Variants in POLD1 observed in about 807,000 individuals in gnomAD.
POLD1 encodes the protein DNA polymerase delta catalytic subunit.
A neutral mutation model predicts 129.7 loss-of-function variants in POLD1; 79 were observed. The observed-to-expected ratio is 0.61, with a 90% CI of 0.51 to 0.73. The LOEUF (loss-of-function observed/expected upper bound fraction) is 0.73, where lower values mean the gene tolerates loss of function less well. Ranked by LOEUF, POLD1 falls within the 30% of genes least tolerant of loss-of-function variation. The probability of loss-of-function intolerance (pLI) is 0.00; values close to 1 mark genes in which losing one functional copy is unlikely to be tolerated. For synonymous variants in POLD1, 714 were observed against 683.3 expected, an observed-to-expected ratio of 1.04 and a Z score of -0.70; for missense variants, 1,338 against 1,595.8, an observed-to-expected ratio of 0.84 and a Z score of 2.75.
chr19:50,406,031 C>T lies in POLD1; in HGVS notation c.1243-151C>T. On this transcript the variant is annotated intron_variant, in intron 10 of 26. Coordinates refer to ENST00000440232, the MANE Select transcript of POLD1 (RefSeq NM_002691.4). This position sits in a 1 kb window ranked among gnomAD's most constrained non-coding sequence, Gnocchi z 5.5. Reference sequence around the variant, plus strand: ...TCCCTCCCCAGTCTCCAGCCACCCACACCCAGCCCCAGACCGTCTTTCTGC... The same window carrying T: ...TCCCTCCCCAGTCTCCAGCCACCCATACCCAGCCCCAGACCGTCTTTCTGC... The T allele has an allele frequency of 2.3e-6, 2 of 869,220 alleles. No homozygotes were observed. Among genetic ancestry groups the T allele is most frequent in the South Asian group, 1.6e-5 (1 of 63,204 alleles). 53.8% of individuals were successfully genotyped at this position (869,220 alleles called of 1,614,324 possible). A position where few individuals can be genotyped will look rare whatever the true frequency, so the allele number is the denominator to read the frequency against.
At position 50,398,519 on chromosome 19, in the gene POLD1, G is replaced by A. The variant is rs191738791; in HGVS notation, c.-1-332G>A. ...TGGGAGGTAGAGCTTGCAGTGAGCC[G>A]AGATCATGCCATTGCACTCCAGCCT... On this transcript the variant is annotated intron_variant, in intron 1 of 26. Transcript: ENST00000440232. 2.3e-4 allele frequency among the ~76,000 whole-genome samples: 29 copies of A among 127,546 alleles called. 1 individual carries two copies. The South Asian group carries it at 6.2e-3, about 27-fold the overall frequency. The allele number at this position is 127,546 out of a possible 152,430, so 83.7% of individuals were successfully genotyped here.
intron 17 of POLD1, among the ~76,000 whole-genome samples, chr19:50,411,333 G>A (rs970662117): frequency 2.0e-5 from 3 of 152,152 alleles, no homozygotes; most frequent in Non-Finnish European, 2.9e-5. Context: ...GTGGAAAGGG[G>A]TGGCTGTGTG....
rs749278926 is a variant in POLD1, at chr19:50,402,704, C to T, written c.933C>T (p.Arg311=). 22 of 1,599,036 alleles carry T rather than the reference C, an allele frequency of 1.4e-5. No individual in the cohort carries two copies. The highest frequency in any genetic ancestry group is 5.4e-5 in the African/African-American group (4 of 74,628). The change falls in exon 8 of 27, where the codon CGC becomes CGT. Residue 311 remains arginine, a synonymous_variant. Coordinates refer to ENST00000440232, the MANE Select transcript of POLD1 (RefSeq NM_002691.4). The part of the protein sequence containing the change: ...EGPWQRIAPL[R]VLSFDIECAG... ...CATGGCAGCGCATTGCGCCCTTGCG[C>T]GTGCTCAGCTTCGATATCGAGTGCG... is the stretch of plus-strand genomic sequence containing the variant.
intron 18 of POLD1, 88 bp downstream of exon 18, chr19:50,413,609 C>G: frequency 1.3e-6 from 2 of 1,528,502 alleles, no homozygotes; most frequent in Non-Finnish European, 1.8e-6. Flanking sequence ...CCCCGTGCCT[C>G]CTGGTCACAC....
At chr19:50,390,619 T>C (rs1400930942) in intron 1 of POLD1, among the ~76,000 whole-genome samples, 5 of 151,150 alleles carry the variant, frequency 3.3e-5, no homozygotes, top group Admixed American at 3.3e-4. Context: ...GGGTGTTTCT[T>C]GGAGAGGGGG....
In POLD1 at chr19:50,398,897, A is replaced by G. The variant is rs765185645; in HGVS notation, c.46A>G (p.Lys16Glu). ...RPGPGPGVPP[K>E]RARGGLWDDD... is the part of the protein sequence containing the mutation. The stretch of plus-strand genomic sequence containing the variant: ...AGGCCCAGGGCCCGGGGTGCCCCCA[A>G]AGCGGGCCCGTGGGGGCCTCTGGGA... Residue 16 changes from lysine to glutamate, a missense_variant, in exon 2 of 27, where the codon AAG (lysine) becomes GAG (glutamate). Physicochemically the swap from Lys to Glu is moderately conservative, Grantham distance 56. This residue lies in a region of POLD1 where 332 missense variants were observed against 315.7 expected (regional missense o/e 1.05). Coordinates refer to ENST00000440232, the MANE Select transcript of POLD1 (RefSeq NM_002691.4). The G allele has an allele frequency of 2.9e-5, 47 of 1,604,258 alleles. No individual in the cohort carries two copies. In the South Asian group the frequency reaches 3.0e-4, roughly 10 times the overall value.
rs769856458 is a variant in POLD1, at chr19:50,406,295, G to A, written c.1356G>A (p.Val452=). The A allele has an allele frequency of 6.2e-7, 1 of 1,613,988 alleles. No homozygotes were observed. The highest frequency in any genetic ancestry group is 1.7e-5 in the Admixed American group (1 of 60,008). ...GGGACACCAAGGTTGTCAGCATGGT[G>A]GGCCGCGTGCAGATGGACATGCTGC... ...GRRDTKVVSM[V]GRVQMDMLQV... Residue 452 remains valine (V), a synonymous_variant, in exon 11 of 27, where the codon GTG becomes GTA. Transcript: ENST00000440232. This position sits in a 1 kb window ranked among gnomAD's most constrained non-coding sequence, Gnocchi z 5.5.
chr19:50,403,276 C>G, intron 9 of POLD1, 57 bp downstream of exon 9: 1 of 1,476,392 alleles, frequency 6.8e-7, no homozygotes, highest in Non-Finnish European at 9.1e-7. Flanking sequence ...GCCTCCGCGT[C>G]CTGAGCCATC....
chr19:50,384,689 T>C (rs2123687984), intron 1 of POLD1, among the ~76,000 whole-genome samples: 1 of 152,224 alleles, frequency 6.6e-6, no homozygotes, highest in East Asian at 1.9e-4. Context: ...CTTGGTGTCA[T>C]CCTGGATTCG....
At chr19:50,398,560 A>G in intron 1 of POLD1, among the ~76,000 whole-genome samples, 1 of 127,646 alleles carries the variant, frequency 7.8e-6, no homozygotes. Context: ...ACAAGAGCAC[A>G]ATTCCATCTC....
In POLD1 at chr19:50,413,842, G is replaced by A. The variant is rs749227042; in HGVS notation, c.2351G>A (p.Gly784Asp). ...LGREAADWVS[G>D]HFPSPIRLEF... ...CGGGAGGCCGCGGACTGGGTGTCAGGTCACTTCCCGTCGCCCATCCGGCTG... is the reference window on the plus strand; with the variant it reads ...CGGGAGGCCGCGGACTGGGTGTCAGATCACTTCCCGTCGCCCATCCGGCTG... The change falls in exon 19 of 27, where the codon GGT becomes GAT. Residue 784 changes from glycine to aspartate, a missense_variant. Around this residue, in one of 3 missense-constraint regions of POLD1, gnomAD observed 720 missense variants for 1,002.6 expected, o/e 0.72. Coordinates refer to ENST00000440232, the MANE Select transcript of POLD1 (RefSeq NM_002691.4). 3 of 1,610,360 alleles carry A rather than the reference G, an allele frequency of 1.9e-6. No homozygotes were observed. Among genetic ancestry groups the A allele is most frequent in the Non-Finnish European group, 2.5e-6 (3 of 1,178,296 alleles).
chr19:50,417,846 G>A lies in POLD1; in HGVS notation c.3223G>A (p.Asp1075Asn). ...LHEDVICTSR[D>N]CPIFYMRKKV... ...TGCCCCTGCCCCCACCCGCAGCCGG[G>A]ACTGCCCCATCTTCTACATGCGCAA... The change falls in exon 27 of 27, where the codon GAC (aspartate) becomes AAC (asparagine). Residue 1075 changes from aspartate to asparagine, a missense_variant. Coordinates refer to ENST00000440232, the MANE Select transcript of POLD1 (RefSeq NM_002691.4). The A allele has an allele frequency of 1.9e-6, 3 of 1,600,220 alleles. No individual in the cohort carries two copies. The highest frequency in any genetic ancestry group is 2.6e-6 in the Non-Finnish European group (3 of 1,173,608).
Position 50,417,120 on chromosome 19 carries a change from A to G in POLD1, c.3120+23A>G, listed in dbSNP as rs780885120. ...GAGGTGAGAGGGCCGGGAGGTGAGG[A>G]GGGGCCAGGTGGGGAGGCGGGGGCG... On this transcript the variant is annotated intron_variant, in intron 25 of 26. Transcript: ENST00000440232. The G allele has an allele frequency of 2.2e-5, 34 of 1,568,586 alleles. No homozygotes were observed. In the Admixed American group the frequency reaches 6.4e-4, roughly 29 times the overall value.
At chr19:50,402,962 G>A (rs2038716718) in intron 8 of POLD1, 91 bp from the exon 9 acceptor site, 1 of 1,483,926 alleles carries the variant, frequency 6.7e-7, no homozygotes, top group African/African-American at 1.4e-5. Context: ...CAGGCAGCGG[G>A]GACAGCCCCG....
intron 1 of POLD1, among the ~76,000 whole-genome samples, chr19:50,398,206 A>C (rs1363903029): frequency 6.6e-6 from 1 of 152,116 alleles, no homozygotes; most frequent in Admixed American, 6.6e-5. Flanking sequence ...TTGTCATTTC[A>C]ATGGCAGATG....
At chr19:50,415,884 C>A (rs931154258) in intron 22 of POLD1, 58 bp downstream of exon 22, 9 of 1,262,910 alleles carry the variant, frequency 7.1e-6, no homozygotes, top group Non-Finnish European at 6.4e-6. Flanking sequence ...CTTCTGCTTT[C>A]CGAGATGGGC....
At chr19:50,401,359 G>GTGTATATATATATATATATATA (rs1177431255) in intron 3 of POLD1, among the ~76,000 whole-genome samples, 1 of 90,498 alleles carries the variant, frequency 1.1e-5, no homozygotes, top group Non-Finnish European at 2.1e-5. Context: ...GTGTATTTGT[G>GTGTATATATATATATATATATA]TATATGTGTA....
chr19:50,390,235 CTT>C (rs113095533), intron 1 of POLD1, among the ~76,000 whole-genome samples: 1 of 142,782 alleles, frequency 7.0e-6, no homozygotes, highest in Admixed American at 7.0e-5. Context: ...CTTTTCTTTT[CTT>C]TTTTTTTTTT....
intron 17 of POLD1, among the ~76,000 whole-genome samples, chr19:50,410,274 G>A (rs3219411): frequency 0.012 from 1,829 of 152,320 alleles, 47 homozygotes; most frequent in African/African-American, 0.042. Context: ...TGAGGGCCTC[G>A]GAAGGGTCTT....
Sources: gnomAD v4.1 joint callset for allele counts (sites outside exome capture counted in the v4.1 genomes callset) on GRCh38, gnomAD v4.1.1 for gene constraint, gnomAD v4.1.1 regional missense constraint, Gnocchi (gnomAD v3.1) non-coding constraint, MANE v1.5 for transcripts, NCBI Gene and HGNC (gene_info 2026-07-23, HGNC 2026-07-21) for gene names.